The following CACNA1A variants were observed in gnomAD, a reference collection of about 807,000 sequenced individuals.
CACNA1A encodes voltage-dependent P/Q-type calcium channel subunit alpha-1A.
Under a neutral mutation model 262.4 loss-of-function variants are expected in CACNA1A, and 57 were observed. The observed-to-expected ratio is 0.22, with a 90% CI of 0.18 to 0.27. The LOEUF (loss-of-function observed/expected upper bound fraction) is 0.27, where lower values mean the gene tolerates loss of function less well. Ranked by LOEUF, CACNA1A falls within the 10% of genes least tolerant of loss-of-function variation. CACNA1A has a pLI of 1.00. For missense variants in CACNA1A, 2,526 were observed against 3,562.8 expected (o/e 0.71, Z 7.41); for synonymous variants, 1,431 against 1,419.3 (o/e 1.01, Z -0.18).
At chr19:13,305,816 C>T (rs1306916492) in intron 15 of CACNA1A, among the ~76,000 whole-genome samples, 2 of 152,170 alleles carry the variant, frequency 1.3e-5, no homozygotes, top group Non-Finnish European at 2.9e-5. Flanking sequence ...AATCCCAGCA[C>T]TTTGGGAGGC....
chr19:13,328,235 G>A (rs1169966412), intron 10 of CACNA1A, among the ~76,000 whole-genome samples: 1 of 152,154 alleles, frequency 6.6e-6, no homozygotes, highest in Non-Finnish European at 1.5e-5. Context: ...TGGAGGTAAC[G>A]TAACACGTGA....
chr19:13,329,783 C>CTTTTTT (rs148916478), intron 10 of CACNA1A, among the ~76,000 whole-genome samples: 7 of 139,062 alleles, frequency 5.0e-5, no homozygotes, highest in African/African-American at 1.9e-4. Context: ...CAGTTTGTGT[C>CTTTTTT]TTTTTTTTTT....
intron 10 of CACNA1A, among the ~76,000 whole-genome samples, chr19:13,325,616 T>C (rs924314514): frequency 6.6e-6 from 1 of 152,196 alleles, no homozygotes; most frequent in Admixed American, 6.5e-5. Context: ...TGTATATTTA[T>C]TAGAGACAAA....
chr19:13,313,990 C>T (rs891075015), intron 11 of CACNA1A, among the ~76,000 whole-genome samples: 1 of 152,120 alleles, frequency 6.6e-6, no homozygotes, highest in African/African-American at 2.4e-5. Context: ...TTGTGAGTGA[C>T]CTAAAAAGTC....
At chr19:13,410,546 T>C (rs901230802) in intron 3 of CACNA1A, among the ~76,000 whole-genome samples, 51 of 99,412 alleles carry the variant, frequency 5.1e-4, no homozygotes, top group African/African-American at 1.5e-3. Context: ...TTTTCTTTTT[T>C]TTTTTTTTTT....
chr19:13,232,536 C>G (rs1437981951), intron 34 of CACNA1A, among the ~76,000 whole-genome samples: 3 of 150,816 alleles, frequency 2.0e-5, no homozygotes, highest in Admixed American at 6.6e-5. Context: ...TTGAGACCAT[C>G]CTGGCTAACA....
intron 19 of CACNA1A, among the ~76,000 whole-genome samples, chr19:13,298,249 G>A (rs1013853178): frequency 1.3e-5 from 2 of 150,538 alleles, no homozygotes; most frequent in Non-Finnish European, 2.9e-5. Context: ...TCCTGCCTCA[G>A]CCTCCTGAGT....
At chr19:13,235,848 CA>C in intron 31 of CACNA1A, 118 bp from the exon 32 acceptor site, 1 of 647,538 alleles carries the variant, frequency 1.5e-6, no homozygotes. Flanking sequence ...AGCCAGACCC[CA>C]AATAAGGAGG....
At chr19:13,385,484 T>A (rs979648881) in intron 3 of CACNA1A, among the ~76,000 whole-genome samples, 18 of 152,138 alleles carry the variant, frequency 1.2e-4, no homozygotes, top group Non-Finnish European at 1.2e-4. Context: ...TGCCTCGGCC[T>A]CCCAAAGTGC....
intron 34 of CACNA1A, among the ~76,000 whole-genome samples, chr19:13,232,205 T>TC (rs543651002): frequency 5.4e-4 from 76 of 140,690 alleles, no homozygotes; most frequent in Non-Finnish European, 9.5e-4. Context: ...TCTCTCTCTC[T>TC]TTTTTTTTTT....
intron 12 of CACNA1A, among the ~76,000 whole-genome samples, chr19:13,309,211 T>C (rs1387000209): frequency 6.6e-6 from 1 of 151,858 alleles, no homozygotes; most frequent in Non-Finnish European, 1.5e-5. Context: ...GGTTTCACTG[T>C]GTTGGCCAGG....
rs574667361 is a variant in CACNA1A at position 13,295,155 on chromosome 19, G to C, written c.3089+3389C>G. ...TGACTGAACTCACAGCATGAGCTTAGAATATAGTAGGCACTTAGTAAATAC... is the reference window on the plus strand; with the variant it reads ...TGACTGAACTCACAGCATGAGCTTACAATATAGTAGGCACTTAGTAAATAC... On this transcript the variant is annotated intron_variant, in intron 19 of 46. Transcript: ENST00000360228. Among the ~76,000 whole-genome samples the C allele has an allele frequency of 1.8e-4, 28 of 152,308 alleles. No individual in the cohort carries two copies. The South Asian group carries it at 5.2e-3, about 28-fold the overall frequency.
intron 3 of CACNA1A, among the ~76,000 whole-genome samples, chr19:13,395,273 CAAAAAAAA>C: frequency 1.1e-5 from 1 of 88,902 alleles, no homozygotes; most frequent in East Asian, 3.1e-4. Flanking sequence ...GACTCCATCT[CAAAAAAAA>C]AAAAAAAAAG....
intron 19 of CACNA1A, among the ~76,000 whole-genome samples, chr19:13,293,439 CTTTTTT>C (rs974515720): frequency 4.9e-5 from 4 of 80,896 alleles, no homozygotes; most frequent in African/African-American, 4.8e-5. Context: ...TCAGTTAAAT[CTTTTTT>C]TTTTTTTTTT....
At position 13,308,371 on chromosome 19, in the gene CACNA1A, C is replaced by T. The variant is rs904290766; in HGVS notation, c.1781+45G>A. ...CTGGAGGCGGCCCCACCATGTCCCC[C>T]ATCCCCACCCCCTGTACAAATGTCC... is the stretch of plus-strand genomic sequence containing the variant. On this transcript the variant is annotated intron_variant, in intron 13 of 46. Coordinates refer to ENST00000360228, the MANE Select transcript of CACNA1A (RefSeq NM_001127222.2). This position sits in a 1 kb window ranked among gnomAD's most constrained non-coding sequence, Gnocchi z 4.2. 4 of 1,543,728 alleles carry T rather than the reference C, an allele frequency of 2.6e-6. No homozygotes were observed. Among genetic ancestry groups the T allele is most frequent in the African/African-American group, 1.4e-5 (1 of 73,432 alleles).
chr19:13,463,043 G>A (rs1467067280), intron 1 of CACNA1A, among the ~76,000 whole-genome samples: 1 of 152,080 alleles, frequency 6.6e-6, no homozygotes, highest in Middle Eastern at 3.4e-3. Context: ...TTACAGGTAT[G>A]AGCCACTGTG....
chr19:13,299,315 A>G lies in CACNA1A; in HGVS notation c.2318T>C (p.Val773Ala). Residue 773 changes from valine (V) to alanine (A), a missense_variant, in exon 19 of 47, where the codon GTG becomes GCG. Coordinates refer to ENST00000360228, the MANE Select transcript of CACNA1A (RefSeq NM_001127222.2). ...QQKNQKPAKS[V>A]WEQRTSEMRK... ...CATCTCACTGGTCCGCTGCTCCCAC[A>G]CGGACTTGGCTGGCTTTTGATTCTT... is the stretch of plus-strand genomic sequence containing the variant. The G allele has an allele frequency of 6.2e-7, 1 of 1,600,964 alleles. No individual in the cohort carries two copies. Among genetic ancestry groups the G allele is most frequent in the Non-Finnish European group, 8.5e-7 (1 of 1,179,784 alleles).
intron 1 of CACNA1A, among the ~76,000 whole-genome samples, chr19:13,459,279 A>G (rs1406766586): frequency 6.6e-6 from 1 of 152,112 alleles, no homozygotes; most frequent in Non-Finnish European, 1.5e-5. Flanking sequence ...CCATAAAACC[A>G]TCCCTTCCAG....
chr19:13,361,821 G>T (rs1402163675), intron 5 of CACNA1A, among the ~76,000 whole-genome samples: 1 of 152,140 alleles, frequency 6.6e-6, no homozygotes, highest in Non-Finnish European at 1.5e-5. Context: ...TCAGGGCAGA[G>T]AACAAAATAA....
Sources: gnomAD v4.1 joint callset for allele counts (sites outside exome capture counted in the v4.1 genomes callset) on GRCh38, gnomAD v4.1.1 for gene constraint, Gnocchi (gnomAD v3.1) non-coding constraint, MANE v1.5 for transcripts, NCBI Gene and HGNC (gene_info 2026-07-23, HGNC 2026-07-21) for gene names.